The following PLCB4 variants were observed in gnomAD, a reference collection of about 807,000 sequenced individuals.
PLCB4 encodes phospholipase C beta 4.
PLCB4 carries 77 observed loss-of-function variants against 178.8 expected under a neutral mutation model. The observed-to-expected ratio is 0.43, with a 90% CI of 0.36 to 0.52. The LOEUF (loss-of-function observed/expected upper bound fraction) is 0.52. Among genes scored for constraint, PLCB4 ranks in the 20% least tolerant of loss-of-function variants. The pLI, the probability that PLCB4 is intolerant of heterozygous loss-of-function variation, is 0.00. For synonymous variants in PLCB4, 496 were observed against 490.8 expected, an observed-to-expected ratio of 1.01 and a Z score of -0.14; for missense variants, 1,024 against 1,453.4, an observed-to-expected ratio of 0.70 and a Z score of 4.80.
At chr20:9,470,671 CTG>C (rs2044128946) in intron 36 of PLCB4, among the ~76,000 whole-genome samples, 1 of 152,166 alleles carries the variant, frequency 6.6e-6, no homozygotes. Context: ...ATTTTGAAAA[CTG>C]TACTTATTTG....
intron 3 of PLCB4, among the ~76,000 whole-genome samples, chr20:9,297,251 T>C (rs929918956): frequency 3.3e-5 from 5 of 152,006 alleles, no homozygotes; most frequent in African/African-American, 1.2e-4. Flanking sequence ...ACTTCTGTAA[T>C]TCACTACTAT....
At chr20:9,093,466 T>C (rs1043736167) in intron 1 of PLCB4, among the ~76,000 whole-genome samples, 1 of 152,206 alleles carries the variant, frequency 6.6e-6, no homozygotes, top group Non-Finnish European at 1.5e-5. Flanking sequence ...CAAATTTCCT[T>C]TTCAGAGTTT....
intron 2 of PLCB4, among the ~76,000 whole-genome samples, chr20:9,108,595 A>G (rs2091455308): frequency 6.6e-6 from 1 of 152,004 alleles, no homozygotes; most frequent in Non-Finnish European, 1.5e-5. Context: ...GATGATGATG[A>G]TAATACTAAT....
At chr20:9,209,120 A>T (rs2093645312) in intron 2 of PLCB4, among the ~76,000 whole-genome samples, 1 of 152,068 alleles carries the variant, frequency 6.6e-6, no homozygotes, top group Admixed American at 6.5e-5. Flanking sequence ...CTAGTTTCAT[A>T]AGATTTAGTT....
intron 1 of PLCB4, among the ~76,000 whole-genome samples, chr20:9,069,541 G>A (rs1178889547): frequency 1.3e-5 from 2 of 152,214 alleles, no homozygotes; most frequent in African/African-American, 4.8e-5. Context: ...GCATGTAAAT[G>A]TGTATGCGTG....
intron 2 of PLCB4, among the ~76,000 whole-genome samples, chr20:9,156,834 TCCCTCCCTCCCTCCCTC>T (rs2092797751): frequency 1.9e-5 from 1 of 52,904 alleles, no homozygotes; most frequent in Non-Finnish European, 3.6e-5. Flanking sequence ...CCTCCCTCCC[TCCCTCCCTCCCTCCCTC>T]CCTTCCTTCC....
intron 2 of PLCB4, among the ~76,000 whole-genome samples, chr20:9,202,494 A>G (rs1487046740): frequency 6.6e-6 from 1 of 151,990 alleles, no homozygotes; most frequent in Non-Finnish European, 1.5e-5. Flanking sequence ...TCCCCATTTT[A>G]TTTTACTTTA....
At chr20:9,151,280 G>A (rs184717255) in intron 2 of PLCB4, among the ~76,000 whole-genome samples, 1 of 152,248 alleles carries the variant, frequency 6.6e-6, no homozygotes, top group Admixed American at 6.5e-5. Flanking sequence ...TTATATAAGG[G>A]ACTTGAGCAT....
chr20:9,297,808 G>A (rs1259933417), intron 3 of PLCB4, among the ~76,000 whole-genome samples: 1 of 152,078 alleles, frequency 6.6e-6, no homozygotes, highest in Non-Finnish European at 1.5e-5. Flanking sequence ...GATTTTGGAG[G>A]GCTGGCATAG....
intron 28 of PLCB4, among the ~76,000 whole-genome samples, chr20:9,426,298 C>T (rs1169617150): frequency 6.6e-6 from 1 of 152,128 alleles, no homozygotes; most frequent in Non-Finnish European, 1.5e-5. Context: ...TCTGAGAACA[C>T]AGAGGATCAA....
At chr20:9,164,004 A>G (rs2092930487) in intron 2 of PLCB4, among the ~76,000 whole-genome samples, 1 of 152,228 alleles carries the variant, frequency 6.6e-6, no homozygotes. Flanking sequence ...ATTATAGGCA[A>G]ACTTAAAAGT....
intron 3 of PLCB4, among the ~76,000 whole-genome samples, chr20:9,294,021 G>A (rs932136429): frequency 2.0e-5 from 3 of 152,144 alleles, no homozygotes; most frequent in Admixed American, 2.0e-4. Flanking sequence ...GCTTTCCAGT[G>A]CAGCTGAGGG....
chr20:9,389,545 C>G (rs938881910), intron 15 of PLCB4, among the ~76,000 whole-genome samples: 2 of 152,188 alleles, frequency 1.3e-5, no homozygotes, highest in Non-Finnish European at 2.9e-5. Flanking sequence ...ATCACCTGCT[C>G]CTCAAGAAGA....
chr20:9,122,185 C>T (rs764502410), intron 2 of PLCB4, among the ~76,000 whole-genome samples: 14 of 152,020 alleles, frequency 9.2e-5, no homozygotes, highest in South Asian at 6.3e-4. Context: ...TGGTGCTTGT[C>T]GTAGATAACT....
chr20:9,192,528 CTTTTT>C (rs57026127), intron 2 of PLCB4, among the ~76,000 whole-genome samples: 1 of 135,340 alleles, frequency 7.4e-6, no homozygotes, highest in Non-Finnish European at 1.6e-5. Flanking sequence ...ATTTTTTTTT[CTTTTT>C]TTTTTTTTTT....
intron 2 of PLCB4, among the ~76,000 whole-genome samples, chr20:9,201,682 ATAT>A (rs1357190581): frequency 7.9e-5 from 12 of 152,182 alleles, no homozygotes. Context: ...TCACAATGAG[ATAT>A]TATCACACAC....
At chr20:9,210,812 A>G (rs2093664721) in intron 2 of PLCB4, among the ~76,000 whole-genome samples, 1 of 152,122 alleles carries the variant, frequency 6.6e-6, no homozygotes, top group African/African-American at 2.4e-5. Flanking sequence ...AGAGACTGAG[A>G]GAATTGGAGG....
intron 12 of PLCB4, among the ~76,000 whole-genome samples, chr20:9,374,659 A>G (rs979280807): frequency 6.6e-6 from 1 of 152,150 alleles, no homozygotes; most frequent in Non-Finnish European, 1.5e-5. Context: ...AGACCTTAAT[A>G]CTGCATTTCA....
intron 3 of PLCB4, among the ~76,000 whole-genome samples, chr20:9,288,289 A>G (rs1425563017): frequency 6.6e-6 from 1 of 152,044 alleles, no homozygotes; most frequent in Non-Finnish European, 1.5e-5. Context: ...GACCTCCCTA[A>G]GACTGCGTTA....
Sources: gnomAD v4.1 joint callset for allele counts (sites outside exome capture counted in the v4.1 genomes callset) on GRCh38, gnomAD v4.1.1 for gene constraint, MANE v1.5 for transcripts, NCBI Gene and HGNC (gene_info 2026-07-23, HGNC 2026-07-21) for gene names.